TUBGCP5: variants seen among roughly 807,000 people sequenced by gnomAD.
TUBGCP5 encodes gamma-tubulin complex component 5.
A neutral mutation model predicts 134.7 loss-of-function variants in TUBGCP5; 98 were observed. The ratio of observed to expected loss-of-function variants is 0.73; its 90% CI spans 0.62 to 0.86. The LOEUF is 0.86. Among genes scored for constraint, TUBGCP5 ranks in the 40% least tolerant of loss-of-function variants. TUBGCP5 has a pLI of 0.00. For missense variants in TUBGCP5, 1,150 were observed against 1,244.8 expected (o/e 0.92, Z 1.15); for synonymous variants, 456 against 431.4 (o/e 1.06, Z -0.71).
chr15:23,004,766 C>T (rs976051140), intron 19 of TUBGCP5, among the ~76,000 whole-genome samples: 1 of 152,108 alleles, frequency 6.6e-6, no homozygotes, highest in Non-Finnish European at 1.5e-5. Flanking sequence ...TCAGGGGAAA[C>T]GTGGAGCCCC....
intron 23 of TUBGCP5, among the ~76,000 whole-genome samples, chr15:22,990,088 G>A (rs573374924): frequency 6.6e-6 from 1 of 152,264 alleles, no homozygotes; most frequent in South Asian, 2.1e-4. Context: ...TTTGACTAAT[G>A]AGAGGCACTC....
At chr15:23,021,895 G>T in intron 11 of TUBGCP5, 64 bp downstream of exon 11, 7 of 1,495,986 alleles carry the variant, frequency 4.7e-6, no homozygotes, top group Non-Finnish European at 6.5e-6. Flanking sequence ...ACTACCATCA[G>T]CTGTCTATCA....
intron 22 of TUBGCP5, 172 bp downstream of exon 22, chr15:23,000,397 A>AC: frequency 7.2e-7 from 1 of 1,391,482 alleles, no homozygotes; most frequent in Non-Finnish European, 9.3e-7. Flanking sequence ...CACTCACCTC[A>AC]CCGTAATGCT....
chr15:23,016,291 G>A (rs1402235608), intron 13 of TUBGCP5, among the ~76,000 whole-genome samples: 3 of 152,114 alleles, frequency 2.0e-5, no homozygotes, highest in South Asian at 2.1e-4. Flanking sequence ...TCAGGAGTTC[G>A]AGATCAGCCT....
chr15:23,026,195 AGT>A lies in TUBGCP5; in HGVS notation c.746_747del (p.His249LeufsTer5), dbSNP rs2065976501. On this transcript the variant is annotated frameshift_variant, in exon 8 of 23. Coordinates refer to ENST00000615383, the MANE Select transcript of TUBGCP5 (RefSeq NM_052903.6). LOFTEE classifies it high-confidence loss of function. ...HSNLAAVWDQ[H>X]LYSSDPLYVP... ...ACATACAATGGATCACTGCTGTACA[AGT>A]GTTGGTCCCTATGAGACAGCAAACA... is the stretch of plus-strand genomic sequence containing the variant. 13 of 1,613,200 alleles carry A rather than the reference AGT, an allele frequency of 8.1e-6. No individual in the cohort carries two copies. The highest frequency in any genetic ancestry group is 1.1e-5 in the Non-Finnish European group (13 of 1,179,650).
At chr15:23,015,434 G>A (rs1368973139) in intron 13 of TUBGCP5, among the ~76,000 whole-genome samples, 3 of 149,890 alleles carry the variant, frequency 2.0e-5, no homozygotes, top group Admixed American at 2.0e-4. Flanking sequence ...TTGAGGCTAG[G>A]AGTTTGAGAT....
chr15:23,017,396 A>G (rs1422626313), intron 13 of TUBGCP5, among the ~76,000 whole-genome samples: 1 of 152,140 alleles, frequency 6.6e-6, no homozygotes, highest in African/African-American at 2.4e-5. Context: ...TGATCACTAT[A>G]TATGTATCAA....
At chr15:23,024,316 AAAGT>A (rs1285168695) in intron 9 of TUBGCP5, 123 bp from the exon 10 acceptor site, 2 of 1,068,252 alleles carry the variant, frequency 1.9e-6, no homozygotes, top group Non-Finnish European at 2.6e-6. Flanking sequence ...AGTAGAAGAC[AAAGT>A]AATAATATGA....
rs1006275799 is a variant in TUBGCP5, at chr15:23,003,972, C to T, written c.2838+130G>A. ...CCGGCCTGGGGCATTTGTTTGTAAC[C>T]TCATTTCATCTGGTTCTTCCTTAAA... On this transcript the variant is annotated intron_variant, in intron 20 of 22. Coordinates refer to ENST00000615383, the MANE Select transcript of TUBGCP5 (RefSeq NM_052903.6). The T allele has an allele frequency of 1.9e-5, 24 of 1,244,208 alleles. No homozygotes were observed. The African/African-American group carries it at 3.1e-4, about 16-fold the overall frequency. The allele number at this position is 1,244,208 out of a possible 1,614,324, so 77.1% of individuals were successfully genotyped here.
intron 12 of TUBGCP5, 55 bp from the exon 13 acceptor site, chr15:23,018,096 T>C (rs1542157): frequency 0.012 from 17,601 of 1,498,734 alleles, 597 homozygotes; most frequent in African/African-American, 0.1. Context: ...AAAAACAGCA[T>C]ACTTGTTCTA....
chr15:23,022,036 G>A lies in TUBGCP5; in HGVS notation c.1294C>T (p.Arg432Trp), dbSNP rs751387795. The A allele has an allele frequency of 6.4e-5, 104 of 1,613,986 alleles. No individual in the cohort carries two copies. The highest frequency in any genetic ancestry group is 8.4e-5 in the Non-Finnish European group (99 of 1,180,036). ...AGGGTGTTAAGCAGGTGAGAGGCCC[G>A]GACGACATTTCGAGTATCAGGTGGA... is the stretch of plus-strand genomic sequence containing the variant. ...EVPPDTRNVV[R>W]ASHLLNTLYK... Residue 432 changes from arginine to tryptophan, a missense_variant, in exon 11 of 23, where the codon CGG becomes TGG. This residue lies in a region of TUBGCP5 where 697 missense variants were observed against 850.1 expected (regional missense o/e 0.82). Transcript: ENST00000615383.
intron 16 of TUBGCP5, 57 bp from the exon 17 acceptor site, chr15:23,006,409 T>A: frequency 8.2e-7 from 1 of 1,226,736 alleles, no homozygotes; most frequent in Non-Finnish European, 1.2e-6. Context: ...ACAAAAATGC[T>A]CTTTTAAAAT....
At chr15:23,010,477 G>A (rs1267272656) in intron 14 of TUBGCP5, among the ~76,000 whole-genome samples, 1 of 152,274 alleles carries the variant, frequency 6.6e-6, no homozygotes, top group Non-Finnish European at 1.5e-5. Flanking sequence ...TGCCAGTGGG[G>A]ACCCTGACTC....
In TUBGCP5 at chr15:23,000,658, A is replaced by G. The variant is rs745451705; in HGVS notation, c.2939T>C (p.Ile980Thr). Reference sequence around the variant, plus strand: ...TTTAAAATCAGATTCCATTTTCTCTATAGATTCCATTCTAGGAATAAAAGT... The same window carrying G: ...TTTAAAATCAGATTCCATTTTCTCTGTAGATTCCATTCTAGGAATAAAAGT... ...AGLGTWRMES[I>T]EKMESDFKNC... is the part of the protein sequence containing the mutation. Residue 980 changes from isoleucine to threonine, a missense_variant, in exon 22 of 23, where the codon ATA becomes ACA. Coordinates refer to ENST00000615383, the MANE Select transcript of TUBGCP5 (RefSeq NM_052903.6). The G allele has an allele frequency of 6.2e-7, 1 of 1,602,104 alleles. No individual in the cohort carries two copies. Among genetic ancestry groups the G allele is most frequent in the Non-Finnish European group, 8.5e-7 (1 of 1,172,036 alleles).
intron 23 of TUBGCP5, among the ~76,000 whole-genome samples, chr15:22,992,484 A>C (rs1009321308): frequency 6.6e-6 from 1 of 152,148 alleles, no homozygotes; most frequent in Non-Finnish European, 1.5e-5. Flanking sequence ...ATATATACAC[A>C]CATATATATG....
chr15:23,028,268 T>G (rs1250921413), intron 6 of TUBGCP5, among the ~76,000 whole-genome samples: 5 of 151,338 alleles, frequency 3.3e-5, no homozygotes, highest in African/African-American at 4.9e-5. Flanking sequence ...AAGCCCCAGC[T>G]TCTTAGGAGG....
chr15:23,006,224 T>C (rs2064705257), intron 17 of TUBGCP5, 44 bp downstream of exon 17: 1 of 1,609,920 alleles, frequency 6.2e-7, no homozygotes, highest in Non-Finnish European at 8.5e-7. Context: ...CATGTTTTAA[T>C]GTTAGCAGAA....
intron 13 of TUBGCP5, among the ~76,000 whole-genome samples, chr15:23,015,317 C>T (rs2065248870): frequency 6.6e-6 from 1 of 151,416 alleles, no homozygotes; most frequent in Admixed American, 6.6e-5. Flanking sequence ...AACTCCTGGC[C>T]TCAAGTAATC....
intron 23 of TUBGCP5, among the ~76,000 whole-genome samples, chr15:22,985,649 G>A (rs895711436): frequency 6.6e-6 from 1 of 152,094 alleles, no homozygotes; most frequent in East Asian, 1.9e-4. Flanking sequence ...AAAAAGGAAA[G>A]AACAAATCAA....
Sources: gnomAD v4.1 joint callset for allele counts (sites outside exome capture counted in the v4.1 genomes callset) on GRCh38, gnomAD v4.1.1 for gene constraint, gnomAD v4.1.1 regional missense constraint, MANE v1.5 for transcripts, NCBI Gene and HGNC (gene_info 2026-07-23, HGNC 2026-07-21) for gene names.